Variants in ODAD2 observed in about 807,000 individuals in gnomAD.
ODAD2 encodes the protein outer dynein arm docking complex subunit 2, also known as outer dynein arm-docking complex subunit 2.
Under a neutral mutation model 106.8 loss-of-function variants are expected in ODAD2, and 89 were observed. That is an observed-to-expected ratio of 0.83 (90% CI 0.70 to 0.99). The LOEUF (loss-of-function observed/expected upper bound fraction) is 0.99, where lower values mean the gene tolerates loss of function less well. Among genes scored for constraint, ODAD2 ranks in the 50% least tolerant of loss-of-function variants. ODAD2 has a pLI of 0.00. For missense variants in ODAD2, 1,168 were observed against 1,238.5 expected, an observed-to-expected ratio of 0.94 and a Z score of 0.85; for synonymous variants, 404 against 436.2, an observed-to-expected ratio of 0.93 and a Z score of 0.92.
intron 19 of ODAD2, among the ~76,000 whole-genome samples, chr10:27,843,960 G>A (rs535825653): frequency 3.1e-4 from 47 of 152,280 alleles, no homozygotes; most frequent in African/African-American, 1.1e-3. Flanking sequence ...AGCACTTTGG[G>A]AAGCTGAGGT....
intron 17 of ODAD2, among the ~76,000 whole-genome samples, chr10:27,906,367 G>A (rs796088776): frequency 5.3e-5 from 8 of 152,342 alleles, no homozygotes; most frequent in African/African-American, 1.9e-4. Flanking sequence ...AACAACAGAT[G>A]CTGGAGAGGA....
intron 19 of ODAD2, among the ~76,000 whole-genome samples, chr10:27,835,508 T>C (rs1358940088): frequency 6.6e-6 from 1 of 152,094 alleles, no homozygotes; most frequent in Non-Finnish European, 1.5e-5. Context: ...AAATGTGAGT[T>C]AGGGCACCAC....
At chr10:27,888,810 A>G (rs1052042250) in intron 17 of ODAD2, among the ~76,000 whole-genome samples, 1 of 152,198 alleles carries the variant, frequency 6.6e-6, no homozygotes, top group Non-Finnish European at 1.5e-5. Context: ...CAATGGGGAA[A>G]GTCTTTTCAA....
At chr10:27,830,609 G>T (rs1354369571) in intron 19 of ODAD2, among the ~76,000 whole-genome samples, 1 of 152,154 alleles carries the variant, frequency 6.6e-6, no homozygotes, top group African/African-American at 2.4e-5. Flanking sequence ...GTTCTATTTA[G>T]GAAGGTCTCC....
chr10:27,816,248 C>T (rs534564699), intron 19 of ODAD2, among the ~76,000 whole-genome samples: 1 of 152,252 alleles, frequency 6.6e-6, no homozygotes, highest in Admixed American at 6.5e-5. Context: ...GAGTAATTGC[C>T]TAAATTGTGA....
At chr10:27,875,304 C>T (rs4749272) in intron 17 of ODAD2, among the ~76,000 whole-genome samples, 78,154 of 151,984 alleles carry the variant, frequency 0.51, 22,417 homozygotes, top group Middle Eastern at 0.67. Context: ...GTTTAAACTT[C>T]CTCCTTTAGC....
In ODAD2 at chr10:27,860,807, A is replaced by G. The variant is rs772552604; in HGVS notation, c.2839T>C (p.Ser947Pro). The G allele has an allele frequency of 2.4e-5, 39 of 1,614,036 alleles. No individual in the cohort carries two copies. The highest frequency in any genetic ancestry group is 3.2e-5 in the Non-Finnish European group (38 of 1,180,012). Residue 947 changes from serine to proline, a missense_variant, in exon 19 of 20, where the codon TCA (serine) becomes CCA (proline). This residue lies in a region of ODAD2 where 701 missense variants were observed against 712.3 expected (regional missense o/e 0.98). Coordinates refer to ENST00000305242, the MANE Select transcript of ODAD2 (RefSeq NM_018076.5). ...TTCCTGCCCCACATACAGCAACGTG[A>G]AATAGCTTCTGCTAGATGATGTCTC... The part of the protein sequence containing the change: ...KLRHHLAEAI[S>P]RCCMWGRNRV...
At position 27,812,510 on chromosome 10, in the gene ODAD2, T is replaced by C. The variant is rs184054538; in HGVS notation, c.*2A>G. 4 of 1,612,956 alleles carry C rather than the reference T, an allele frequency of 2.5e-6. No individual in the cohort carries two copies. The African/African-American group carries it at 5.3e-5, about 22-fold the overall frequency. On this transcript the variant is annotated 3_prime_UTR_variant, in exon 20 of 20. Coordinates refer to ENST00000305242, the MANE Select transcript of ODAD2 (RefSeq NM_018076.5). ...TGATAGCTTGTAATGTCCATTTAAA[T>C]TTCAAGTGTATCTTGCCTTCTCTGT...
chr10:27,850,488 C>A (rs1399324914), intron 19 of ODAD2, among the ~76,000 whole-genome samples: 1 of 149,072 alleles, frequency 6.7e-6, no homozygotes, highest in African/African-American at 2.5e-5. Context: ...ACGTGGGAGG[C>A]GGAGGTTGTA....
intron 17 of ODAD2, among the ~76,000 whole-genome samples, chr10:27,886,268 GA>G (rs1043386637): frequency 1.3e-4 from 18 of 141,242 alleles, no homozygotes; most frequent in South Asian, 2.3e-4. Flanking sequence ...TCTTGAAAGT[GA>G]AAAAAAAAAG....
chr10:27,844,392 C>T (rs1351301299), intron 19 of ODAD2, among the ~76,000 whole-genome samples: 1 of 152,142 alleles, frequency 6.6e-6, no homozygotes, highest in Non-Finnish European at 1.5e-5. Flanking sequence ...TGCCAAGTCC[C>T]CTTCCTTTTT....
At position 27,846,014 on chromosome 10, in the gene ODAD2, T is replaced by C. The variant is rs550343532; in HGVS notation, c.3021+14611A>G. Among the ~76,000 whole-genome samples the C allele has an allele frequency of 7.4e-4, 113 of 152,226 alleles. No homozygotes were observed. The East Asian group carries it at 0.019, about 26-fold the overall frequency. ...CCACTGTCAACATTAGACAGACCAA[T>C]GAGACAGAAAGTTAACAAAGATATC... is the stretch of plus-strand genomic sequence containing the variant. On this transcript the variant is annotated intron_variant, in intron 19 of 19. Coordinates refer to ENST00000305242, the MANE Select transcript of ODAD2 (RefSeq NM_018076.5).
chr10:27,938,557 A>G (rs1846156108), intron 14 of ODAD2, among the ~76,000 whole-genome samples: 1 of 151,036 alleles, frequency 6.6e-6, no homozygotes, highest in Non-Finnish European at 1.5e-5. Context: ...ACAACCTAAT[A>G]CAATCCTCTA....
intron 2 of ODAD2, among the ~76,000 whole-genome samples, chr10:27,993,974 A>ATATGTGTGTGTG (rs369833558): frequency 1.4e-5 from 2 of 140,544 alleles, no homozygotes; most frequent in African/African-American, 5.4e-5. Flanking sequence ...ATATATATAT[A>ATATGTGTGTGTG]TGTGTGTGTG....
At chr10:27,837,626 T>C (rs916055260) in intron 19 of ODAD2, among the ~76,000 whole-genome samples, 3 of 152,194 alleles carry the variant, frequency 2.0e-5, no homozygotes, top group Non-Finnish European at 4.4e-5. Flanking sequence ...TTAGGGTGCT[T>C]TTCTAATTCC....
At chr10:27,981,605 T>G in intron 6 of ODAD2, 23 bp from the exon 7 acceptor site, 1 of 1,447,870 alleles carries the variant, frequency 6.9e-7, no homozygotes, top group Non-Finnish European at 9.3e-7. Context: ...ACAAGTTTCA[T>G]TCTATGATTA....
intron 15 of ODAD2, among the ~76,000 whole-genome samples, chr10:27,935,897 G>T (rs1845942732): frequency 6.6e-6 from 1 of 150,726 alleles, no homozygotes; most frequent in Admixed American, 6.6e-5. Flanking sequence ...CCAAAAGGAA[G>T]CATGCTACAT....
At chr10:27,878,584 G>C (rs892192702) in intron 17 of ODAD2, among the ~76,000 whole-genome samples, 1 of 152,042 alleles carries the variant, frequency 6.6e-6, no homozygotes, top group Non-Finnish European at 1.5e-5. Flanking sequence ...GCCATATAGA[G>C]ACCACAGGAT....
chr10:27,942,524 C>T (rs371366894), intron 12 of ODAD2, among the ~76,000 whole-genome samples: 2 of 152,094 alleles, frequency 1.3e-5, no homozygotes, highest in African/African-American at 4.8e-5. Context: ...TGAATGAAGA[C>T]TTACTGTACT....
Sources: gnomAD v4.1 joint callset for allele counts (sites outside exome capture counted in the v4.1 genomes callset) on GRCh38, gnomAD v4.1.1 for gene constraint, gnomAD v4.1.1 regional missense constraint, MANE v1.5 for transcripts, NCBI Gene and HGNC (gene_info 2026-07-23, HGNC 2026-07-21) for gene names.